The following DLG2 variants were observed in gnomAD, a reference collection of about 807,000 sequenced individuals.
DLG2 encodes discs large MAGUK scaffold protein 2, also known as disks large homolog 2.
A neutral mutation model predicts 132.5 loss-of-function variants in DLG2; 45 were observed. The ratio of observed to expected loss-of-function variants is 0.34; its 90% CI spans 0.27 to 0.44. DLG2 has a LOEUF of 0.44. Among genes scored for constraint, DLG2 ranks in the 20% least tolerant of loss-of-function variants. The pLI, the probability that DLG2 is intolerant of heterozygous loss-of-function variation, is 1.00. For synonymous variants in DLG2, 424 were observed against 419.6 expected (o/e 1.01, Z -0.13); for missense variants, 1,045 against 1,196.9 (o/e 0.87, Z 1.87).
At chr11:84,031,407 C>T (rs1359751774) in intron 11 of DLG2, among the ~76,000 whole-genome samples, 1 of 152,022 alleles carries the variant, frequency 6.6e-6, no homozygotes, top group Non-Finnish European at 1.5e-5. Flanking sequence ...CCGTGTTAAA[C>T]TTATGAGACT....
chr11:84,356,112 G>A (rs1349402759), intron 7 of DLG2, among the ~76,000 whole-genome samples: 1 of 152,108 alleles, frequency 6.6e-6, no homozygotes, highest in African/African-American at 2.4e-5. Flanking sequence ...AAGGGTTAAA[G>A]CACCTAAGAT....
At chr11:84,289,092 A>G (rs1326723820) in intron 7 of DLG2, among the ~76,000 whole-genome samples, 1 of 152,152 alleles carries the variant, frequency 6.6e-6, no homozygotes, top group Non-Finnish European at 1.5e-5. Flanking sequence ...CTAATTGAAC[A>G]GAAACTGTCA....
chr11:84,837,051 C>G (rs1221605054), intron 6 of DLG2, among the ~76,000 whole-genome samples: 1 of 151,848 alleles, frequency 6.6e-6, no homozygotes, highest in Non-Finnish European at 1.5e-5. Flanking sequence ...TGATGTTCCC[C>G]TTCCTGTGTC....
At chr11:84,286,324 A>C (rs980164714) in intron 7 of DLG2, among the ~76,000 whole-genome samples, 1 of 152,168 alleles carries the variant, frequency 6.6e-6, no homozygotes, top group Admixed American at 6.5e-5. Context: ...AGAGGTGGTT[A>C]GGGCTTCTCA....
At chr11:84,649,915 GATGACTCTAGGAAGTTCCCTTGTC>G (rs2099679506) in intron 6 of DLG2, among the ~76,000 whole-genome samples, 1 of 152,094 alleles carries the variant, frequency 6.6e-6, no homozygotes, top group African/African-American at 2.4e-5. Context: ...AAATCCTAGA[GATGACTCTAGGAAGTTCCCTTGTC>G]TCATGTTCCT....
chr11:84,729,919 T>C (rs1408498423), intron 6 of DLG2, among the ~76,000 whole-genome samples: 1 of 152,008 alleles, frequency 6.6e-6, no homozygotes, highest in Admixed American at 6.6e-5. Context: ...GCCTATTCGT[T>C]CTGAATCAAT....
In DLG2 at chr11:85,626,727, TCAGTTTTGAAATC is replaced by T. The variant is rs2082049001; in HGVS notation, c.-246_-234del. The T allele has an allele frequency of 1.3e-5, 2 of 152,204 alleles. No individual in the cohort carries two copies. The highest frequency in any genetic ancestry group is 6.5e-5 in the Admixed American group (1 of 15,282). 9.4% of individuals were successfully genotyped at this position (152,204 alleles called of 1,614,324 possible). On this transcript the variant is annotated 5_prime_UTR_variant, in exon 2 of 28. Transcript: ENST00000376104. ...TAACTGTTGCAAACCACTTCAGTGTTCAGTTTTGAAATCCAGGCTGAGTCTTCTATGTCAGACA... is the reference window on the plus strand; with the variant it reads ...TAACTGTTGCAAACCACTTCAGTGTTCAGGCTGAGTCTTCTATGTCAGACA...
At chr11:83,549,908 T>TATA (rs2096344971) in intron 19 of DLG2, among the ~76,000 whole-genome samples, 2 of 152,188 alleles carry the variant, frequency 1.3e-5, no homozygotes, top group Non-Finnish European at 2.9e-5. Context: ...CTTCAGCTTC[T>TATA]ATAATAATTA....
intron 6 of DLG2, among the ~76,000 whole-genome samples, chr11:84,621,495 A>G (rs936717189): frequency 6.6e-6 from 1 of 152,108 alleles, no homozygotes; most frequent in African/African-American, 2.4e-5. Context: ...AAAATAAATG[A>G]GCCTCCCATG....
At chr11:84,112,296 C>A (rs1222398690) in intron 9 of DLG2, among the ~76,000 whole-genome samples, 1 of 148,040 alleles carries the variant, frequency 6.8e-6, no homozygotes, top group African/African-American at 2.5e-5. Flanking sequence ...CCGCATCCGG[C>A]CTTTTTTTTT....
At chr11:85,448,231 A>T (rs149301099) in intron 3 of DLG2, among the ~76,000 whole-genome samples, 23 of 152,330 alleles carry the variant, frequency 1.5e-4, no homozygotes, top group African/African-American at 4.8e-4. Context: ...ATGAATTTCT[A>T]ATCTAAACTA....
chr11:85,504,579 T>C (rs1249988097), intron 3 of DLG2, among the ~76,000 whole-genome samples: 4 of 152,208 alleles, frequency 2.6e-5, no homozygotes, highest in Non-Finnish European at 4.4e-5. Flanking sequence ...TATATCTCTG[T>C]TTTGGTAACA....
At chr11:83,843,576 A>G (rs1347093856) in intron 16 of DLG2, among the ~76,000 whole-genome samples, 1 of 151,486 alleles carries the variant, frequency 6.6e-6, no homozygotes, top group Non-Finnish European at 1.5e-5. Context: ...GGCTGAGCAT[A>G]TAAGAGACAT....
intron 6 of DLG2, among the ~76,000 whole-genome samples, chr11:84,591,925 C>T (rs1001873089): frequency 6.6e-6 from 1 of 152,074 alleles, no homozygotes; most frequent in African/African-American, 2.4e-5. Flanking sequence ...ATGATCTTGG[C>T]TAATTGCAAC....
At chr11:83,694,306 C>T (rs542506664) in intron 18 of DLG2, among the ~76,000 whole-genome samples, 1 of 152,282 alleles carries the variant, frequency 6.6e-6, no homozygotes, top group African/African-American at 2.4e-5. Flanking sequence ...GAACATCCTA[C>T]AGGGCTGCCT....
intron 3 of DLG2, among the ~76,000 whole-genome samples, chr11:85,450,612 T>C (rs1474342702): frequency 6.6e-6 from 1 of 152,206 alleles, no homozygotes; most frequent in Non-Finnish European, 1.5e-5. Flanking sequence ...TAGAGATTTT[T>C]TCAGGACATT....
chr11:83,482,945 T>C (rs2093240842), intron 22 of DLG2, among the ~76,000 whole-genome samples: 1 of 152,168 alleles, frequency 6.6e-6, no homozygotes, highest in Non-Finnish European at 1.5e-5. Context: ...TATGGAGGTA[T>C]TAAGCGGCAG....
intron 10 of DLG2, among the ~76,000 whole-genome samples, chr11:84,095,431 C>G (rs569363856): frequency 6.6e-6 from 1 of 152,222 alleles, no homozygotes; most frequent in Admixed American, 6.5e-5. Context: ...AAGTTAGAAC[C>G]CACATCTTTC....
At chr11:85,342,700 T>C (rs59376253) in intron 3 of DLG2, among the ~76,000 whole-genome samples, 1,915 of 152,268 alleles carry the variant, frequency 0.013, 31 homozygotes, top group African/African-American at 0.042. Context: ...GCACGGTAGG[T>C]TTGTTTATAC....
Sources: allele counts gnomAD v4.1 joint callset (sites outside exome capture counted in the v4.1 genomes callset), GRCh38; gene constraint gnomAD v4.1.1; transcripts MANE v1.5; gene names NCBI Gene and HGNC (gene_info 2026-07-23, HGNC 2026-07-21).